The following PPP1R9A variants were observed in gnomAD, a reference collection of about 807,000 sequenced individuals.
PPP1R9A encodes protein phosphatase 1 regulatory subunit 9A.
PPP1R9A carries 59 observed loss-of-function variants against 141.9 expected under a neutral mutation model. The ratio of observed to expected loss-of-function variants is 0.42; its 90% confidence interval spans 0.34 to 0.52. PPP1R9A has a LOEUF of 0.52. PPP1R9A is among the 20% of genes least tolerant of loss of function. PPP1R9A has a pLI of 0.10. For missense variants in PPP1R9A, 1,444 were observed against 1,611.9 expected (o/e 0.90, Z 1.78); for synonymous variants, 500 against 569.7 (o/e 0.88, Z 1.74).
chr7:95,165,166 G>T (rs764866430), intron 5 of PPP1R9A, among the ~76,000 whole-genome samples: 9 of 152,064 alleles, frequency 5.9e-5, no homozygotes, highest in Non-Finnish European at 1.3e-4. Context: ...ATCCTCTTCT[G>T]ATCCTCTCCA....
intron 4 of PPP1R9A, among the ~76,000 whole-genome samples, chr7:95,157,174 G>A (rs1829754034): frequency 6.6e-6 from 1 of 152,174 alleles, no homozygotes; most frequent in Non-Finnish European, 1.5e-5. Context: ...ATGGGAGCAG[G>A]TGCCCACAGC....
intron 3 of PPP1R9A, among the ~76,000 whole-genome samples, chr7:95,120,302 G>T (rs1356968638): frequency 6.6e-6 from 1 of 152,124 alleles, no homozygotes; most frequent in Admixed American, 6.6e-5. Context: ...AAGAAGAAAA[G>T]ACCATATAAA....
intron 5 of PPP1R9A, among the ~76,000 whole-genome samples, chr7:95,182,927 T>C (rs545683757): frequency 6.6e-6 from 1 of 152,310 alleles, no homozygotes; most frequent in South Asian, 2.1e-4. Flanking sequence ...ACCTTTTTAA[T>C]GTTCATATAC....
Position 95,214,546 on chromosome 7 carries a change from G to A in PPP1R9A, c.1956+10816G>A, listed in dbSNP as rs765408350. Among the ~76,000 whole-genome samples the A allele has an allele frequency of 1.1e-4, 17 of 152,210 alleles. No homozygotes were observed. The Middle Eastern group carries it at 0.01, about 91-fold the overall frequency. On this transcript the variant is annotated intron_variant, in intron 7 of 19. Coordinates refer to ENST00000433360, the MANE Select transcript of PPP1R9A (RefSeq NM_001166160.2). Reference sequence around the variant, plus strand: ...TTTTTTTCAACTAATCTGAGAAGTGGCATTCCATTACTTTTGTTGTATTCT... The same window carrying A: ...TTTTTTTCAACTAATCTGAGAAGTGACATTCCATTACTTTTGTTGTATTCT...
rs191425914 is a variant in PPP1R9A at position 94,992,799 on chromosome 7, T to C, written c.1395+81291T>C. Among the ~76,000 whole-genome samples, 37 of 152,270 alleles carry C rather than the reference T, an allele frequency of 2.4e-4. No homozygotes were observed. The East Asian group carries it at 5.6e-3, about 23-fold the overall frequency. ...TTTGTGAAAAATTTGCTTAAATATT[T>C]TCTGATTTTTTAAAAATTAAGTTGT... On this transcript the variant is annotated intron_variant, in intron 2 of 19. Transcript: ENST00000433360.
intron 5 of PPP1R9A, among the ~76,000 whole-genome samples, chr7:95,198,127 CT>C (rs1301959583): frequency 6.6e-6 from 1 of 152,190 alleles, no homozygotes; most frequent in Admixed American, 6.5e-5. Context: ...TGGTCCTTTA[CT>C]TTTTTCCCCC....
At chr7:95,242,764 C>T (rs559454760) in intron 8 of PPP1R9A, among the ~76,000 whole-genome samples, 3 of 152,168 alleles carry the variant, frequency 2.0e-5, no homozygotes, top group African/African-American at 7.2e-5. Flanking sequence ...AGTTAAAAGA[C>T]TTTTACCTGC....
In PPP1R9A at chr7:95,050,948, C is replaced by T. The variant is rs542380770; in HGVS notation, c.1396-60311C>T. ...TCAGTGCCAAACTTGTTTACTGGCA[C>T]AAGTAAATTTTAATAAGTCCAGCTT... On this transcript the variant is annotated intron_variant, in intron 2 of 19. Transcript: ENST00000433360. 3.3e-5 allele frequency among the ~76,000 whole-genome samples: 5 copies of T among 152,266 alleles called. No homozygotes were observed. The South Asian group carries it at 1.0e-3, about 32-fold the overall frequency.
intron 3 of PPP1R9A, among the ~76,000 whole-genome samples, chr7:95,117,411 T>G (rs1821715562): frequency 6.6e-6 from 1 of 152,318 alleles, no homozygotes; most frequent in Non-Finnish European, 1.5e-5. Context: ...TGCTCTTTCT[T>G]GTATTGCCCT....
chr7:95,108,875 G>A (rs1820054033), intron 2 of PPP1R9A: 1 of 152,078 alleles, frequency 6.6e-6, no homozygotes, highest in Non-Finnish European at 1.5e-5. Flanking sequence ...ACTAGTATTA[G>A]TGAAATTGAG....
chr7:95,242,252 A>G (rs1256214062), intron 8 of PPP1R9A, among the ~76,000 whole-genome samples: 1 of 152,198 alleles, frequency 6.6e-6, no homozygotes, highest in Non-Finnish European at 1.5e-5. Flanking sequence ...AAATACTCAC[A>G]AAGATAACTA....
At position 95,288,600 on chromosome 7, in the gene PPP1R9A, G is replaced by A. The variant is rs775557192; in HGVS notation, c.3794G>A (p.Ser1265Asn). The change falls in exon 19 of 20, where the codon AGT (serine) becomes AAT (asparagine). Residue 1265 changes from serine to asparagine, a missense_variant. By Grantham distance (46) the Ser-to-Asn change is conservative. Transcript: ENST00000433360. ...CAGAATCGGGCCGTTCAGGAATGGA[G>A]TGTGCAGCAGGTTTCTCACTGGTTA... ...QCQNRAVQEW[S>N]VQQVSHWLMS... 6.2e-7 allele frequency: 1 copy of A among 1,614,122 alleles called. No homozygotes were observed. Among genetic ancestry groups the A allele is most frequent in the South Asian group, 1.1e-5 (1 of 91,080 alleles).
chr7:95,011,775 A>G (rs1453819468), intron 2 of PPP1R9A, among the ~76,000 whole-genome samples: 1 of 152,208 alleles, frequency 6.6e-6, no homozygotes, highest in Non-Finnish European at 1.5e-5. Context: ...GACTTAGATG[A>G]AGGTACACAA....
At chr7:95,178,648 G>T (rs770908357) in intron 5 of PPP1R9A, among the ~76,000 whole-genome samples, 5 of 152,000 alleles carry the variant, frequency 3.3e-5, no homozygotes, top group Non-Finnish European at 7.4e-5. Context: ...ACCAAGAAAA[G>T]AAGAGAGAAA....
At chr7:95,025,211 T>TG (rs1279497947) in intron 2 of PPP1R9A, among the ~76,000 whole-genome samples, 2 of 151,934 alleles carry the variant, frequency 1.3e-5, no homozygotes, top group Admixed American at 1.3e-4. Flanking sequence ...AGATTACAGG[T>TG]GGTCACCACC....
At chr7:95,288,795 G>A (rs920488685) in intron 19 of PPP1R9A, 77 bp downstream of exon 19, 14 of 1,499,688 alleles carry the variant, frequency 9.3e-6, no homozygotes, top group Middle Eastern at 4.0e-4. Flanking sequence ...TTTTCATTAG[G>A]TAAGAGCATT....
chr7:95,126,351 T>A (rs1823561189), intron 4 of PPP1R9A, among the ~76,000 whole-genome samples: 1 of 152,186 alleles, frequency 6.6e-6, no homozygotes, highest in South Asian at 2.1e-4. Flanking sequence ...TTTATGTATT[T>A]TCATTACCCT....
chr7:95,205,998 GA>G (rs975201456), intron 7 of PPP1R9A, among the ~76,000 whole-genome samples: 1 of 152,040 alleles, frequency 6.6e-6, no homozygotes, highest in African/African-American at 2.4e-5. Context: ...TTTAGCCCTT[GA>G]AAACCTTTGG....
At chr7:95,033,674 T>C in intron 2 of PPP1R9A, among the ~76,000 whole-genome samples, 1 of 152,188 alleles carries the variant, frequency 6.6e-6, no homozygotes, top group Non-Finnish European at 1.5e-5. Flanking sequence ...AAAACTTACC[T>C]GAAGTTGATT....
Sources: allele counts gnomAD v4.1 joint callset (sites outside exome capture counted in the v4.1 genomes callset), GRCh38; gene constraint gnomAD v4.1.1; transcripts MANE v1.5; gene names NCBI Gene and HGNC (gene_info 2026-07-23, HGNC 2026-07-21).